The following ROBO1 variants were observed in gnomAD, a reference collection of about 807,000 sequenced individuals.
The protein encoded by ROBO1 is roundabout guidance receptor 1, also known as roundabout homolog 1.
A neutral mutation model predicts 195.9 loss-of-function variants in ROBO1; 149 were observed. That is an observed-to-expected ratio of 0.76 (90% confidence interval 0.67 to 0.87). ROBO1 has a LOEUF of 0.87. ROBO1 is among the 40% of genes least tolerant of loss of function. ROBO1 has a pLI of 0.00. For synonymous variants in ROBO1, 816 were observed against 733.2 expected, an observed-to-expected ratio of 1.11 and a Z score of -1.82; for missense variants, 1,933 against 2,068.3, an observed-to-expected ratio of 0.93 and a Z score of 1.27.
At chr3:78,806,376 G>A (rs1027413304) in intron 4 of ROBO1, among the ~76,000 whole-genome samples, 4 of 152,160 alleles carry the variant, frequency 2.6e-5, no homozygotes, top group Non-Finnish European at 4.4e-5. Context: ...GTTCTTGGGA[G>A]GAAGCGGTAT....
At chr3:78,970,552 A>G (rs1178198427) in intron 3 of ROBO1, among the ~76,000 whole-genome samples, 1 of 152,164 alleles carries the variant, frequency 6.6e-6, no homozygotes, top group Admixed American at 6.5e-5. Flanking sequence ...ACTTCCCCAA[A>G]TCTGAAAAAT....
chr3:79,177,587 G>C (rs1389833199), intron 2 of ROBO1, among the ~76,000 whole-genome samples: 3 of 152,194 alleles, frequency 2.0e-5, no homozygotes, highest in African/African-American at 7.2e-5. Context: ...CAACATTACA[G>C]AGCTATCTTA....
intron 10 of ROBO1, among the ~76,000 whole-genome samples, chr3:78,677,214 A>G (rs886831556): frequency 1.3e-5 from 2 of 152,208 alleles, no homozygotes; most frequent in African/African-American, 4.8e-5. Flanking sequence ...AGCCACTGCA[A>G]AAACATGCCA....
intron 2 of ROBO1, among the ~76,000 whole-genome samples, chr3:79,549,143 G>A (rs1366960531): frequency 6.6e-6 from 1 of 152,134 alleles, no homozygotes; most frequent in Non-Finnish European, 1.5e-5. Flanking sequence ...TTCAAGCAGA[G>A]TAATTTTTAG....
At chr3:78,656,729 T>C (rs1473014304) in intron 18 of ROBO1, among the ~76,000 whole-genome samples, 3 of 152,252 alleles carry the variant, frequency 2.0e-5, no homozygotes, top group African/African-American at 4.8e-5. Context: ...GGAGGTATCC[T>C]TGGTGCTCAA....
intron 2 of ROBO1, among the ~76,000 whole-genome samples, chr3:79,376,125 C>T (rs1158030889): frequency 6.6e-6 from 1 of 152,116 alleles, no homozygotes; most frequent in African/African-American, 2.4e-5. Flanking sequence ...ATTTTGAAAA[C>T]CTCTTAATTT....
chr3:79,596,255 A>C (rs1346950544), intron 1 of ROBO1, among the ~76,000 whole-genome samples: 1 of 152,114 alleles, frequency 6.6e-6, no homozygotes, highest in Non-Finnish European at 1.5e-5. Flanking sequence ...GCTCTGTGCC[A>C]GACAGGGGAA....
intron 2 of ROBO1, among the ~76,000 whole-genome samples, chr3:79,343,606 G>A (rs930778750): frequency 6.6e-6 from 1 of 152,098 alleles, no homozygotes; most frequent in African/African-American, 2.4e-5. Context: ...TGCAGTAAAC[G>A]TAAACGTGGA....
chr3:79,756,547 T>C (rs367899143), intron 1 of ROBO1, among the ~76,000 whole-genome samples: 9 of 54,232 alleles, frequency 1.7e-4, no homozygotes, highest in African/African-American at 5.8e-4. Flanking sequence ...CGAAGCACCA[T>C]CTCAAAAAAA....
At chr3:79,358,552 A>C (rs1181823142) in intron 2 of ROBO1, among the ~76,000 whole-genome samples, 1 of 151,910 alleles carries the variant, frequency 6.6e-6, no homozygotes, top group Non-Finnish European at 1.5e-5. Flanking sequence ...TGTTCTTGTA[A>C]ATCTGTCTTG....
intron 3 of ROBO1, among the ~76,000 whole-genome samples, chr3:79,024,427 G>T (rs7645094): frequency 6.6e-6 from 1 of 152,198 alleles, no homozygotes; most frequent in African/African-American, 2.4e-5. Flanking sequence ...TCACCACAGT[G>T]AAGTGAGGTG....
intron 3 of ROBO1, among the ~76,000 whole-genome samples, chr3:78,999,592 AC>A (rs1268268892): frequency 6.6e-6 from 1 of 152,126 alleles, no homozygotes; most frequent in African/African-American, 2.4e-5. Flanking sequence ...ACTTTTGGGT[AC>A]TATGCTAAGT....
At chr3:79,624,616 T>C (rs891279940) in intron 1 of ROBO1, among the ~76,000 whole-genome samples, 3 of 151,804 alleles carry the variant, frequency 2.0e-5, no homozygotes, top group Non-Finnish European at 4.4e-5. Flanking sequence ...CATTATATAA[T>C]GGAAAAGGGA....
In ROBO1 at chr3:79,193,226, G is replaced by T. The variant is rs1438803225; in HGVS notation, c.89-67687C>A. On this transcript the variant is annotated intron_variant, in intron 2 of 30. Transcript: ENST00000464233. Reference sequence around the variant, plus strand: ...CAAGTAGGCATCTAGGTATTGAAATGTGAAGTTCAGATGAGAGTCTTGGTT... The same window carrying T: ...CAAGTAGGCATCTAGGTATTGAAATTTGAAGTTCAGATGAGAGTCTTGGTT... Among the ~76,000 whole-genome samples the T allele has an allele frequency of 2.0e-5, 3 of 151,674 alleles. No homozygotes were observed. In the East Asian group the frequency reaches 5.8e-4, roughly 29 times the overall value.
At chr3:79,280,013 C>A (rs1362379233) in intron 2 of ROBO1, among the ~76,000 whole-genome samples, 3 of 152,108 alleles carry the variant, frequency 2.0e-5, no homozygotes, top group African/African-American at 7.2e-5. Context: ...TTAAACACTG[C>A]AAACTATCAC....
At chr3:79,300,471 G>C (rs1248331310) in intron 2 of ROBO1, among the ~76,000 whole-genome samples, 2 of 152,196 alleles carry the variant, frequency 1.3e-5, no homozygotes, top group Non-Finnish European at 2.9e-5. Flanking sequence ...CAGGGCTCGG[G>C]ACCTGCAGCC....
chr3:78,929,183 C>T (rs1269211998), intron 4 of ROBO1, among the ~76,000 whole-genome samples: 1 of 151,962 alleles, frequency 6.6e-6, no homozygotes, highest in Non-Finnish European at 1.5e-5. Flanking sequence ...GGGTTAAATA[C>T]AACACAATTT....
At chr3:79,707,488 G>A (rs997922564) in intron 1 of ROBO1, among the ~76,000 whole-genome samples, 5 of 151,890 alleles carry the variant, frequency 3.3e-5, no homozygotes, top group Non-Finnish European at 5.9e-5. Flanking sequence ...TACATATCAC[G>A]TTTAAATTAT....
chr3:78,892,189 G>C (rs1349634801), intron 4 of ROBO1, among the ~76,000 whole-genome samples: 1 of 152,110 alleles, frequency 6.6e-6, no homozygotes, highest in Non-Finnish European at 1.5e-5. Flanking sequence ...GCAAAACCCT[G>C]TCTCTACAAA....
Sources: gnomAD v4.1 joint callset for allele counts (sites outside exome capture counted in the v4.1 genomes callset) on GRCh38, gnomAD v4.1.1 for gene constraint, MANE v1.5 for transcripts, NCBI Gene and HGNC (gene_info 2026-07-23, HGNC 2026-07-21) for gene names.